The following SLC7A7 variants were observed in gnomAD, a reference collection of about 807,000 sequenced individuals.
The protein encoded by SLC7A7 is Y+L amino acid transporter 1.
Under a neutral mutation model 47.9 loss-of-function variants are expected in SLC7A7, and 39 were observed. The ratio of observed to expected loss-of-function variants is 0.81; its 90% CI spans 0.63 to 1.06. SLC7A7 has a LOEUF of 1.06. SLC7A7 is among the 50% of genes least tolerant of loss of function. SLC7A7 has a pLI of 0.00. For synonymous variants in SLC7A7, 234 were observed against 242.8 expected (o/e 0.96, Z 0.34); for missense variants, 588 against 632.0 (o/e 0.93, Z 0.75).
intron 2 of SLC7A7, among the ~76,000 whole-genome samples, chr14:22,785,620 C>T (rs1318174576): frequency 2.0e-5 from 3 of 150,804 alleles, no homozygotes; most frequent in Admixed American, 6.7e-5. Context: ...CCCAGCTAGT[C>T]GGGAAGCTGA....
chr14:22,783,230 C>G (rs564028750), intron 2 of SLC7A7, among the ~76,000 whole-genome samples: 1 of 151,502 alleles, frequency 6.6e-6, no homozygotes, highest in East Asian at 2.0e-4. Flanking sequence ...CCGTGCCTGG[C>G]TGTTTTAATT....
rs746149771 is a variant in SLC7A7 at position 22,774,341 on chromosome 14, G to A, written c.1245+13C>T. The A allele has an allele frequency of 1.2e-6, 2 of 1,614,108 alleles. No individual in the cohort carries two copies. Among genetic ancestry groups the A allele is most frequent in the Middle Eastern group, 1.7e-4 (1 of 6,044 alleles). ...GTTTCAGGTGGAGCAGAGGTAGGAT[G>A]GAGTTGCCTTACCTTGAGGGGACGA... On this transcript the variant is annotated intron_variant, in intron 8 of 9. Transcript: ENST00000674313.
chr14:22,782,742 G>C (rs1263647856), intron 2 of SLC7A7, among the ~76,000 whole-genome samples: 3 of 151,412 alleles, frequency 2.0e-5, no homozygotes, highest in Non-Finnish European at 4.4e-5. Flanking sequence ...GATTACAGGC[G>C]TGAGCCACCA....
chr14:22,795,423 TTTCTTTCTTTCTTTC>T (rs1346482865), intron 2 of SLC7A7, among the ~76,000 whole-genome samples: 5 of 146,092 alleles, frequency 3.4e-5, no homozygotes, highest in African/African-American at 1.3e-4. Flanking sequence ...TCTTTCTTTC[TTTCTTTCTTTCTTTC>T]TTTCTTTTCT....
At chr14:22,774,537 G>A in intron 7 of SLC7A7, 34 bp from the exon 8 acceptor site, 1 of 1,613,878 alleles carries the variant, frequency 6.2e-7, no homozygotes, top group Non-Finnish European at 8.5e-7. Context: ...CTCTTCTCAG[G>A]GCCTTTGTTA....
At chr14:22,817,092 TC>T (rs1194792348), upstream of SLC7A7, among the ~76,000 whole-genome samples, 4 of 151,352 alleles carry the variant, frequency 2.6e-5, no homozygotes, top group East Asian at 5.8e-4. Context: ...CATCTCCCCA[TC>T]CCCCTGGCCT....
intron 2 of SLC7A7, among the ~76,000 whole-genome samples, chr14:22,784,343 GGT>G (rs2038774002): frequency 2.6e-5 from 4 of 151,982 alleles, no homozygotes; most frequent in South Asian, 2.1e-4. Flanking sequence ...CTCGTGGCCG[GGT>G]GCAGTGGCTC....
chr14:22,809,412 C>G (rs2138650012), intron 2 of SLC7A7, among the ~76,000 whole-genome samples: 1 of 150,354 alleles, frequency 6.7e-6, no homozygotes, highest in South Asian at 2.1e-4. Context: ...GCGATCTCTG[C>G]TCACTGCAAC....
chr14:22,797,319 T>C (rs2039036613), intron 2 of SLC7A7, among the ~76,000 whole-genome samples: 1 of 152,194 alleles, frequency 6.6e-6, no homozygotes, highest in African/African-American at 2.4e-5. Context: ...AGGTGCCATC[T>C]GCACACCTCT....
chr14:22,817,747 G>A (rs2138674814), upstream of SLC7A7, among the ~76,000 whole-genome samples: 1 of 152,312 alleles, frequency 6.6e-6, no homozygotes, highest in Non-Finnish European at 1.5e-5. Context: ...AAAGTGATGG[G>A]ATTACAGGCG....
chr14:22,816,093 C>T (rs774156677), upstream of SLC7A7: 18 of 169,716 alleles, frequency 1.1e-4, no homozygotes, highest in East Asian at 3.0e-4. Flanking sequence ...ACCAGACCCA[C>T]GTGCCTTTTC....
At chr14:22,784,507 A>G (rs1594953513) in intron 2 of SLC7A7, among the ~76,000 whole-genome samples, 1 of 152,190 alleles carries the variant, frequency 6.6e-6, no homozygotes, top group Middle Eastern at 3.4e-3. Context: ...AGTCCCATCT[A>G]CTTGGGAGGC....
intron 2 of SLC7A7, among the ~76,000 whole-genome samples, chr14:22,785,983 CT>C (rs2038807896): frequency 6.9e-6 from 1 of 145,818 alleles, no homozygotes; most frequent in Non-Finnish European, 1.5e-5. Context: ...GATTGCGCCA[CT>C]GCACTCCAGC....
chr14:22,800,059 C>T (rs1470393376), intron 2 of SLC7A7, among the ~76,000 whole-genome samples: 1 of 152,172 alleles, frequency 6.6e-6, no homozygotes, highest in Non-Finnish European at 1.5e-5. Flanking sequence ...CTTAAGTCTC[C>T]CTGTCCCCAA....
At position 22,808,558 on chromosome 14, in the gene SLC7A7, G is replaced by A. The variant is rs74036494; in HGVS notation, c.499+4342C>T. ...ACAATGGCTCACGCCCGTAATCCTA[G>A]CACTTTGGGAGGCCAAGGCAGGCAG... On this transcript the variant is annotated intron_variant, in intron 2 of 9. Transcript: ENST00000674313. Among the ~76,000 whole-genome samples, 1,249 of 152,232 alleles carry A rather than the reference G, an allele frequency of 8.2e-3. 16 individuals carry two copies. The highest frequency in any genetic ancestry group is 0.029 in the African/African-American group (1,199 of 41,534).
At chr14:22,783,077 G>A (rs965973703) in intron 2 of SLC7A7, among the ~76,000 whole-genome samples, 2 of 150,806 alleles carry the variant, frequency 1.3e-5, no homozygotes, top group African/African-American at 2.4e-5. Context: ...AGGACTACAA[G>A]TGCCCACCAC....
Position 22,775,549 on chromosome 14 carries a change from G to C in SLC7A7, c.999-9C>G. On this transcript the variant is annotated splice_polypyrimidine_tract_variant and intron_variant, in intron 6 of 9. Transcript: ENST00000674313. ...AGCCCACAAAGAAAAGCCTATGTTA[G>C]GTAAGATAGGAGAAGCTGAGAAAAT... is the stretch of plus-strand genomic sequence containing the variant. The C allele has an allele frequency of 1.9e-6, 3 of 1,611,282 alleles. No homozygotes were observed. Among genetic ancestry groups the C allele is most frequent in the Non-Finnish European group, 2.5e-6 (3 of 1,177,398 alleles).
At chr14:22,792,867 A>AAGAGAGAG (rs113285148) in intron 2 of SLC7A7, among the ~76,000 whole-genome samples, 4,725 of 122,436 alleles carry the variant, frequency 0.039, 114 homozygotes, top group Middle Eastern at 0.067. Flanking sequence ...CAAAGAAAGA[A>AAGAGAGAG]AGAGAGAGAG....
intron 2 of SLC7A7, among the ~76,000 whole-genome samples, chr14:22,792,899 GGA>G (rs2038949779): frequency 2.3e-5 from 3 of 129,510 alleles, no homozygotes; most frequent in Admixed American, 1.6e-4. Context: ...GAGAGAGAAA[GGA>G]AAAGAAAAGA....
Sources: allele counts gnomAD v4.1 joint callset (sites outside exome capture counted in the v4.1 genomes callset), GRCh38; gene constraint gnomAD v4.1.1; transcripts MANE v1.5; gene names NCBI Gene and HGNC (gene_info 2026-07-23, HGNC 2026-07-21).